FBXL20: variants seen among roughly 807,000 people sequenced by gnomAD.
FBXL20 encodes F-box and leucine rich repeat protein 20.
Under a neutral mutation model 64.0 loss-of-function variants are expected in FBXL20, and 11 were observed. That is an observed-to-expected ratio of 0.17 (90% CI 0.11 to 0.28). The LOEUF (loss-of-function observed/expected upper bound fraction) is 0.28, where lower values mean the gene tolerates loss of function less well. FBXL20 is among the 10% of genes least tolerant of loss of function. The pLI is 1.00. For missense variants in FBXL20, 303 were observed against 526.2 expected (o/e 0.58, Z 4.15); for synonymous variants, 184 against 189.0 (o/e 0.97, Z 0.22).
intron 6 of FBXL20, among the ~76,000 whole-genome samples, chr17:39,286,426 GC>G (rs1301618788): frequency 1.3e-5 from 2 of 152,080 alleles, no homozygotes. Flanking sequence ...TGTTAGCCAG[GC>G]TGGTCTCCAA....
At chr17:39,391,349 T>C (rs1425392701) in intron 1 of FBXL20, among the ~76,000 whole-genome samples, 2 of 152,054 alleles carry the variant, frequency 1.3e-5, no homozygotes, top group African/African-American at 2.4e-5. Context: ...TGGCTTTTCT[T>C]TAATAGCAGA....
intron 1 of FBXL20, among the ~76,000 whole-genome samples, chr17:39,384,005 A>C (rs969306169): frequency 1.3e-5 from 2 of 152,002 alleles, no homozygotes; most frequent in Non-Finnish European, 2.9e-5. Flanking sequence ...AGGCCAAGGC[A>C]GGAGGACTGC....
Position 39,260,654 on chromosome 17 carries a change from A to G in FBXL20, c.*806T>C, listed in dbSNP as rs1012918803. The G allele has an allele frequency of 6.5e-6, 1 of 152,714 alleles. No individual in the cohort carries two copies. The highest frequency in any genetic ancestry group is 1.5e-5 in the Non-Finnish European group (1 of 68,056). The allele number at this position is 152,714 out of a possible 1,614,324, so 9.5% of individuals were successfully genotyped here. On this transcript the variant is annotated 3_prime_UTR_variant, in exon 15 of 15. Coordinates refer to ENST00000264658, the MANE Select transcript of FBXL20 (RefSeq NM_032875.3). Reference sequence around the variant, plus strand: ...TAAAAAATGTTTGGTAATCCCAACTAATCATTCAAAATGCAAACTGTAAAC... The same window carrying G: ...TAAAAAATGTTTGGTAATCCCAACTGATCATTCAAAATGCAAACTGTAAAC...
intron 6 of FBXL20, among the ~76,000 whole-genome samples, chr17:39,290,964 A>ACC (rs35877504): frequency 6.9e-6 from 1 of 144,004 alleles, no homozygotes; most frequent in Non-Finnish European, 1.5e-5. Context: ...TCCATTCTGT[A>ACC]TTTTTTTTTT....
chr17:39,298,839 C>T (rs1350089572), intron 5 of FBXL20, 151 bp downstream of exon 5: 2 of 642,600 alleles, frequency 3.1e-6, no homozygotes, highest in South Asian at 2.0e-5. Flanking sequence ...GTTAAAACTA[C>T]ATTTCTTATT....
At chr17:39,321,549 G>A (rs2047356783) in intron 2 of FBXL20, among the ~76,000 whole-genome samples, 1 of 151,324 alleles carries the variant, frequency 6.6e-6, no homozygotes, top group South Asian at 2.1e-4. Flanking sequence ...AGGCCGAGGT[G>A]GGTGGATCAC....
chr17:39,348,720 G>C (rs892827306), intron 1 of FBXL20, among the ~76,000 whole-genome samples: 4 of 152,168 alleles, frequency 2.6e-5, no homozygotes, highest in African/African-American at 9.7e-5. Context: ...TTACTTTTGA[G>C]ACAAGGTCTC....
chr17:39,308,538 T>TA (rs1261055357), intron 2 of FBXL20, among the ~76,000 whole-genome samples: 31 of 150,274 alleles, frequency 2.1e-4, no homozygotes, highest in Middle Eastern at 3.2e-3. Flanking sequence ...TGGTGGGAAA[T>TA]AAAAAATCAA....
intron 1 of FBXL20, among the ~76,000 whole-genome samples, chr17:39,344,514 A>T (rs938304278): frequency 1.4e-4 from 22 of 152,046 alleles, no homozygotes; most frequent in African/African-American, 5.3e-4. Context: ...GGCCAGGCAC[A>T]GTGGCTCACA....
chr17:39,326,047 GTTGT>G (rs1315303163), intron 2 of FBXL20, among the ~76,000 whole-genome samples: 1 of 151,992 alleles, frequency 6.6e-6, no homozygotes, highest in Non-Finnish European at 1.5e-5. Flanking sequence ...ACACGATCTG[GTTGT>G]TTAAGAGTCT....
chr17:39,343,930 CTCGGCT>C (rs1316299921), intron 1 of FBXL20, among the ~76,000 whole-genome samples: 47 of 152,124 alleles, frequency 3.1e-4, no homozygotes, highest in African/African-American at 1.1e-3. Flanking sequence ...GTGGTGCGAT[CTCGGCT>C]CACCACAACT....
intron 1 of FBXL20, among the ~76,000 whole-genome samples, chr17:39,359,543 C>G (rs1313999045): frequency 6.6e-6 from 1 of 151,866 alleles, no homozygotes; most frequent in African/African-American, 2.4e-5. Context: ...GCGGAGGTTG[C>G]AGTGAGCCAA....
At chr17:39,395,731 C>T (rs771060947) in intron 1 of FBXL20, among the ~76,000 whole-genome samples, 1 of 152,130 alleles carries the variant, frequency 6.6e-6, no homozygotes, top group South Asian at 2.1e-4. Context: ...TTTCTATGCA[C>T]AATGTTCTTT....
intron 1 of FBXL20, among the ~76,000 whole-genome samples, chr17:39,369,838 G>A (rs577441232): frequency 7.9e-4 from 121 of 152,290 alleles, no homozygotes; most frequent in African/African-American, 2.9e-3. Context: ...CTCTCGCCAT[G>A]TTGCCCAGAT....
At chr17:39,329,767 G>T (rs1347471457) in intron 2 of FBXL20, among the ~76,000 whole-genome samples, 1 of 152,168 alleles carries the variant, frequency 6.6e-6, no homozygotes, top group Non-Finnish European at 1.5e-5. Context: ...GGAGGCCAAG[G>T]CAGGAGGATC....
At chr17:39,361,516 G>T (rs180981808) in intron 1 of FBXL20, among the ~76,000 whole-genome samples, 5 of 152,256 alleles carry the variant, frequency 3.3e-5, no homozygotes, top group Non-Finnish European at 7.4e-5. Context: ...AAATGTTTTT[G>T]GTCAGGCAGG....
At chr17:39,357,824 A>G (rs955915453) in intron 1 of FBXL20, among the ~76,000 whole-genome samples, 3 of 152,224 alleles carry the variant, frequency 2.0e-5, no homozygotes, top group African/African-American at 7.2e-5. Flanking sequence ...ATCTGGTACC[A>G]TAGCGTTTCA....
Position 39,254,815 on chromosome 17 carries a change from T to G in FBXL20, c.*6645A>C, listed in dbSNP as rs143964108. ...TTCTTCAAAATAAGACTATAAAACA[T>G]AAAACAGAAAGGACTATTGATAGGA... On this transcript the variant is annotated 3_prime_UTR_variant, in exon 15 of 15. Coordinates refer to ENST00000264658, the MANE Select transcript of FBXL20 (RefSeq NM_032875.3). 106 of 154,546 alleles carry G rather than the reference T, an allele frequency of 6.9e-4. No homozygotes were observed. The highest frequency in any genetic ancestry group is 2.4e-3 in the African/African-American group (100 of 41,624). 9.6% of individuals were successfully genotyped at this position (154,546 alleles called of 1,614,324 possible). A position where few individuals can be genotyped will look rare whatever the true frequency, so the allele number is the denominator to read the frequency against.
At chr17:39,297,383 T>C (rs140557037) in intron 5 of FBXL20, 188 bp from the exon 6 acceptor site, 10 of 390,542 alleles carry the variant, frequency 2.6e-5, no homozygotes, top group Non-Finnish European at 2.3e-5. Flanking sequence ...ATCTTTGTAA[T>C]TTCCTGAGTG....
Sources: gnomAD v4.1 joint callset for allele counts (sites outside exome capture counted in the v4.1 genomes callset) on GRCh38, gnomAD v4.1.1 for gene constraint, MANE v1.5 for transcripts, NCBI Gene and HGNC (gene_info 2026-07-23, HGNC 2026-07-21) for gene names.